The following SLC25A17 variants were observed in gnomAD, a reference collection of about 807,000 sequenced individuals.
SLC25A17 encodes peroxisomal membrane protein PMP34.
In SLC25A17, 26 loss-of-function variants were observed where a neutral mutation model predicts 38.5. The ratio of observed to expected loss-of-function variants is 0.68; its 90% confidence interval spans 0.50 to 0.94. The LOEUF (loss-of-function observed/expected upper bound fraction) is 0.94. SLC25A17 is among the 40% of genes least tolerant of loss of function. SLC25A17 has a pLI of 0.00. For missense variants in SLC25A17, 333 were observed against 372.7 expected (o/e 0.89, Z 0.88); for synonymous variants, 139 against 136.2 (o/e 1.02, Z -0.14).
In SLC25A17 at chr22:40,807,499, C is replaced by T. The variant is rs1355442176; in HGVS notation, c.55-8416G>A. ...GTGCGGTGGCTCATGCCTGTAATCC[C>T]ACCACTTTGGGAGGCCAAGGTGGAC... On this transcript the variant is annotated intron_variant, in intron 1 of 8. Transcript: ENST00000435456. 2.0e-5 allele frequency among the ~76,000 whole-genome samples: 3 copies of T among 152,076 alleles called. No homozygotes were observed. The East Asian group carries it at 5.8e-4, about 29-fold the overall frequency.
rs1172367181 is a variant in SLC25A17 at position 40,789,388 on chromosome 22, C to G, written c.334+3137G>C. The G allele has an allele frequency of 1.3e-5, 2 of 152,378 alleles. No homozygotes were observed. Among genetic ancestry groups the G allele is most frequent in the East Asian group, 3.9e-4 (2 of 5,186 alleles). 9.4% of individuals were successfully genotyped at this position (152,378 alleles called of 1,614,324 possible). ...TCTGCCGCGGGGGTGCACCAGGGGC[C>G]CGACGATGCCGATGACACGCCACGG... is the stretch of plus-strand genomic sequence containing the variant. On this transcript the variant is annotated intron_variant, in intron 4 of 8. Coordinates refer to ENST00000435456, the MANE Select transcript of SLC25A17 (RefSeq NM_006358.4). The surrounding 1 kb of genome is among the most constrained non-coding windows in gnomAD (Gnocchi z 4.5).
At position 40,794,433 on chromosome 22, in the gene SLC25A17, G is replaced by C. The variant is rs1207528724; in HGVS notation, c.182+81C>G. 10 of 811,216 alleles carry C rather than the reference G, an allele frequency of 1.2e-5. No individual in the cohort carries two copies. The East Asian group carries it at 2.3e-4, about 18-fold the overall frequency. 50.3% of individuals were successfully genotyped at this position (811,216 alleles called of 1,614,324 possible). On this transcript the variant is annotated intron_variant, in intron 3 of 8. Transcript: ENST00000435456. ...ACATTAGAGTGCTGTGAGAAAGATA[G>C]AAAGTAAGCATAACTCTACTGGAAG...
At chr22:40,799,310 A>T (rs1417774643) in intron 1 of SLC25A17, among the ~76,000 whole-genome samples, 1 of 149,556 alleles carries the variant, frequency 6.7e-6, no homozygotes, top group African/African-American at 2.5e-5. Context: ...TAATTTTTAA[A>T]TTTTTCTGTA....
chr22:40,818,706 GAAAA>G (rs397868143), intron 1 of SLC25A17, among the ~76,000 whole-genome samples: 1 of 93,122 alleles, frequency 1.1e-5, no homozygotes, highest in African/African-American at 4.0e-5. Context: ...ACCCTGTCCG[GAAAA>G]AAAAAAAAAA....
At chr22:40,810,996 A>T (rs529402254) in intron 1 of SLC25A17, among the ~76,000 whole-genome samples, 1 of 151,106 alleles carries the variant, frequency 6.6e-6, no homozygotes, top group South Asian at 2.1e-4. Context: ...GCACAATCTC[A>T]GCTCACTGCA....
intron 4 of SLC25A17, chr22:40,784,696 C>G (rs1291990193): frequency 6.6e-6 from 1 of 150,894 alleles, no homozygotes; most frequent in Non-Finnish European, 1.5e-5. Flanking sequence ...ATCTCTTGAG[C>G]CCAGGAGTTG....
At chr22:40,783,982 G>A (rs9623235) in intron 4 of SLC25A17, among the ~76,000 whole-genome samples, 2,813 of 152,214 alleles carry the variant, frequency 0.018, 82 homozygotes, top group African/African-American at 0.063. Context: ...TGGGATTACA[G>A]GCATGAGCCA....
chr22:40,799,050 G>A lies in SLC25A17; in HGVS notation c.88C>T (p.Leu30=), dbSNP rs74617434. The change falls in exon 2 of 9, where the codon CTG becomes TTG. Residue 30 remains leucine, a synonymous_variant. Transcript: ENST00000435456. ...TGAAGTCGAAGTCTAGCTGTATCCA[G>A]GGGAAAAAACACTGTCATTGCTGTC... is the stretch of plus-strand genomic sequence containing the variant. ...SVTAMTVFFP[L]DTARLRLQVD... 6.2e-7 allele frequency: 1 copy of A among 1,613,182 alleles called. No homozygotes were observed. The highest frequency in any genetic ancestry group is 1.3e-5 in the African/African-American group (1 of 74,962).
chr22:40,776,735 C>T (rs1027442809), intron 7 of SLC25A17, among the ~76,000 whole-genome samples: 1 of 151,956 alleles, frequency 6.6e-6, no homozygotes, highest in Admixed American at 6.6e-5. Flanking sequence ...CATCTTCACA[C>T]AAAAAAATTT....
chr22:40,819,086 C>T, intron 1 of SLC25A17, 109 bp downstream of exon 1: 1 of 1,210,812 alleles, frequency 8.3e-7, no homozygotes, highest in African/African-American at 1.5e-5. Context: ...ACAGTGGACC[C>T]CAACCCACAC....
intron 4 of SLC25A17, among the ~76,000 whole-genome samples, chr22:40,786,728 G>A (rs779265445): frequency 3.9e-5 from 6 of 152,202 alleles, no homozygotes; most frequent in Non-Finnish European, 7.3e-5. Flanking sequence ...GATGAGGGCC[G>A]ACTGTAGTTG....
At chr22:40,794,601 T>C in intron 2 of SLC25A17, 21 bp from the exon 3 acceptor site, 2 of 1,530,884 alleles carry the variant, frequency 1.3e-6, no homozygotes, top group East Asian at 2.3e-5. Flanking sequence ...AAACAGTGCA[T>C]GTTTATTTTA....
chr22:40,808,954 C>G (rs2145702261), intron 1 of SLC25A17, among the ~76,000 whole-genome samples: 1 of 152,284 alleles, frequency 6.6e-6, no homozygotes. Flanking sequence ...AGACTGAATT[C>G]AGAAGCAGAT....
chr22:40,788,979 G>A, intron 4 of SLC25A17: 1 of 332,542 alleles, frequency 3.0e-6, no homozygotes, highest in South Asian at 3.5e-5. Context: ...CCCCATAGAA[G>A]TGCTCTTTGA....
rs2057214809 is a variant in SLC25A17, at chr22:40,774,005, T to C, written c.708A>G (p.Arg236=). 1 of 1,611,564 alleles carries C rather than the reference T, an allele frequency of 6.2e-7. No individual in the cohort carries two copies. Among genetic ancestry groups the C allele is most frequent in the South Asian group, 1.1e-5 (1 of 91,012 alleles). ...CCAATGTTCTGTTTTCTGGGTTTAG[T>C]CTATGACGCCCAAACTGAGGAAAGA... ...VQSILRFGRH[R]LNPENRTLGS... is the part of the protein sequence containing the mutation. Residue 236 remains arginine (R), a synonymous_variant, in exon 8 of 9, where the codon AGA becomes AGG. Coordinates refer to ENST00000435456, the MANE Select transcript of SLC25A17 (RefSeq NM_006358.4).
At chr22:40,781,013 T>A (rs1288381711) in intron 4 of SLC25A17, among the ~76,000 whole-genome samples, 1 of 151,634 alleles carries the variant, frequency 6.6e-6, no homozygotes, top group Non-Finnish European at 1.5e-5. Flanking sequence ...CTAAAAAAAA[T>A]ATTAAAAATT....
chr22:40,801,791 T>C lies in SLC25A17; in HGVS notation c.55-2708A>G, dbSNP rs150256714. Among the ~76,000 whole-genome samples the C allele has an allele frequency of 2.7e-3, 408 of 152,256 alleles. 2 individuals carry two copies. The highest frequency in any genetic ancestry group is 9.1e-3 in the African/African-American group (379 of 41,560). Reference sequence around the variant, plus strand: ...TTTCTATCGCATGGTACTGCATTTCTTTTCTTTTCTTTTTTTAAGACGGAG... The same window carrying C: ...TTTCTATCGCATGGTACTGCATTTCCTTTCTTTTCTTTTTTTAAGACGGAG... On this transcript the variant is annotated intron_variant, in intron 1 of 8. Transcript: ENST00000435456.
chr22:40,791,648 AGCATCAC>A (rs2057385974), intron 4 of SLC25A17, among the ~76,000 whole-genome samples: 2 of 152,256 alleles, frequency 1.3e-5, no homozygotes, highest in South Asian at 4.1e-4. Flanking sequence ...AGTGATGTTC[AGCATCAC>A]TAATCATCAG....
rs113368977 is a variant in SLC25A17, at chr22:40,798,943, C to CAA, written c.115+78_115+79dup. The CAA allele has an allele frequency of 3.0e-3, 2,320 of 778,072 alleles. 1 individual carries two copies. The highest frequency in any genetic ancestry group is 7.1e-3 in the African/African-American group (302 of 42,300). 48.2% of individuals were successfully genotyped at this position (778,072 alleles called of 1,614,324 possible). On this transcript the variant is annotated intron_variant, in intron 2 of 8. Coordinates refer to ENST00000435456, the MANE Select transcript of SLC25A17 (RefSeq NM_006358.4). Reference sequence around the variant, plus strand: ...GGGCTACAAAAGCGAAACTCCGTCTCAAAAAAAAAAAAAAAGAAATTACTA... The same window carrying CAA: ...GGGCTACAAAAGCGAAACTCCGTCTCAAAAAAAAAAAAAAAAAGAAATTACTA...
Sources: gnomAD v4.1 joint callset for allele counts (sites outside exome capture counted in the v4.1 genomes callset) on GRCh38, gnomAD v4.1.1 for gene constraint, Gnocchi (gnomAD v3.1) non-coding constraint, MANE v1.5 for transcripts, NCBI Gene and HGNC (gene_info 2026-07-23, HGNC 2026-07-21) for gene names.